Variants in FBXW8 observed in about 807,000 individuals in gnomAD.
FBXW8 encodes the protein F-box and WD repeat domain containing 8, also known as F-box/WD repeat-containing protein 8.
In FBXW8, 57 loss-of-function variants were observed where a neutral mutation model predicts 65.3. That is an observed-to-expected ratio of 0.87 (90% CI 0.71 to 1.09). The LOEUF (loss-of-function observed/expected upper bound fraction) is 1.09. Ranked by LOEUF, FBXW8 falls within the 50% of genes least tolerant of loss-of-function variation. The pLI, the probability that FBXW8 is intolerant of heterozygous loss-of-function variation, is 0.00. For missense variants in FBXW8, 777 were observed against 814.8 expected, an observed-to-expected ratio of 0.95 and a Z score of 0.57; for synonymous variants, 308 against 330.2, an observed-to-expected ratio of 0.93 and a Z score of 0.73.
At chr12:116,983,072 G>GC (rs1260393831) in intron 5 of FBXW8, among the ~76,000 whole-genome samples, 2 of 152,168 alleles carry the variant, frequency 1.3e-5, no homozygotes, top group Non-Finnish European at 2.9e-5. Context: ...GGAAGTGAAT[G>GC]CCCAGTGAGA....
At chr12:117,018,184 G>A (rs137867581) in intron 8 of FBXW8, among the ~76,000 whole-genome samples, 140 of 152,304 alleles carry the variant, frequency 9.2e-4, no homozygotes, top group African/African-American at 3.3e-3. Flanking sequence ...GACTCCTATG[G>A]TGTGATTTTC....
At position 116,936,422 on chromosome 12, in the gene FBXW8, G is replaced by A. The variant is rs1179333467; in HGVS notation, c.423+8295G>A. Reference sequence around the variant, plus strand: ...CTTTCATGATAAAACGCCCTTTGCCGATGTGATTAGGTTAAGGATCTAGAG... The same window carrying A: ...CTTTCATGATAAAACGCCCTTTGCCAATGTGATTAGGTTAAGGATCTAGAG... On this transcript the variant is annotated intron_variant, in intron 2 of 10. Transcript: ENST00000652555. This position sits in a 1 kb window ranked among gnomAD's most constrained non-coding sequence, Gnocchi z 4.6. 6.6e-6 allele frequency among the ~76,000 whole-genome samples: 1 copy of A among 152,168 alleles called. No individual in the cohort carries two copies. Among genetic ancestry groups the A allele is most frequent in the East Asian group, 1.9e-4 (1 of 5,202 alleles).
At chr12:116,941,663 A>T (rs559712747) in intron 2 of FBXW8, among the ~76,000 whole-genome samples, 1 of 152,334 alleles carries the variant, frequency 6.6e-6, no homozygotes, top group South Asian at 2.1e-4. Flanking sequence ...ACCAAGATAA[A>T]CTGAGTTCTT....
intron 6 of FBXW8, 132 bp downstream of exon 6, chr12:116,985,534 C>A (rs1565927403): frequency 2.4e-6 from 2 of 830,586 alleles, no homozygotes; most frequent in Non-Finnish European, 3.7e-6. Context: ...ATAAGTCTAA[C>A]TACAGCCTTA....
At chr12:116,940,186 A>T (rs1032855757) in intron 2 of FBXW8, among the ~76,000 whole-genome samples, 1 of 151,806 alleles carries the variant, frequency 6.6e-6, no homozygotes, top group Non-Finnish European at 1.5e-5. Context: ...GATCCGTGTC[A>T]GCCTGGGGGG....
Position 116,953,772 on chromosome 12 carries a change from C to CA in FBXW8, c.677+4076dup, listed in dbSNP as rs547255703. Among the ~76,000 whole-genome samples, 137 of 130,624 alleles carry CA rather than the reference C, an allele frequency of 1.0e-3. 2 individuals carry two copies. Among genetic ancestry groups the CA allele is most frequent in the South Asian group, 4.9e-3 (20 of 4,092 alleles). The allele number at this position is 130,624 out of a possible 152,430, so 85.7% of individuals were successfully genotyped here. ...TGGGCGACAGAGCAAGACTCCATCT[C>CA]AAAAAAAAAAGACAAAAAAACAAAA... On this transcript the variant is annotated intron_variant, in intron 4 of 10. Transcript: ENST00000652555.
chr12:117,010,186 C>A, intron 7 of FBXW8, 137 bp from the exon 8 acceptor site: 1 of 1,320,978 alleles, frequency 7.6e-7, no homozygotes. Context: ...TGAAAAAGAT[C>A]AGGAAATTAA....
At chr12:116,964,139 G>C (rs1413723701) in intron 4 of FBXW8, among the ~76,000 whole-genome samples, 1 of 152,218 alleles carries the variant, frequency 6.6e-6, no homozygotes, top group African/African-American at 2.4e-5. Context: ...CTTTTCATGA[G>C]CAGGCAGCAC....
At position 116,936,228 on chromosome 12, in the gene FBXW8, C is replaced by T. The variant is rs181478895; in HGVS notation, c.423+8101C>T. Among the ~76,000 whole-genome samples the T allele has an allele frequency of 6.6e-6, 1 of 151,924 alleles. No individual in the cohort carries two copies. Among genetic ancestry groups the T allele is most frequent in the Admixed American group, 6.5e-5 (1 of 15,282 alleles). On this transcript the variant is annotated intron_variant, in intron 2 of 10. Transcript: ENST00000652555. This position sits in a 1 kb window ranked among gnomAD's most constrained non-coding sequence, Gnocchi z 4.6. ...GCAGATCTCTGGCAGAGTGGAATAG[C>T]AAGGACGAAGGACTTGAGGCAGACA...
chr12:117,018,076 C>G (rs545383079), intron 8 of FBXW8, among the ~76,000 whole-genome samples: 1 of 152,292 alleles, frequency 6.6e-6, no homozygotes, highest in South Asian at 2.1e-4. Context: ...GCCTCCCTCT[C>G]GGTTCCAGCA....
intron 2 of FBXW8, among the ~76,000 whole-genome samples, chr12:116,935,425 G>A (rs1882085094): frequency 6.6e-6 from 1 of 152,202 alleles, no homozygotes; most frequent in Non-Finnish European, 1.5e-5. Flanking sequence ...GATTTTCCTG[G>A]CAAAAGTGAT....
intron 5 of FBXW8, among the ~76,000 whole-genome samples, chr12:116,976,597 A>G (rs1884956974): frequency 6.7e-6 from 1 of 150,246 alleles, no homozygotes; most frequent in South Asian, 2.1e-4. Context: ...CTGGGATTAC[A>G]GGCATGCACC....
chr12:116,995,210 C>T (rs1481042197), intron 7 of FBXW8, among the ~76,000 whole-genome samples: 3 of 152,320 alleles, frequency 2.0e-5, no homozygotes, highest in South Asian at 4.1e-4. Context: ...AGATCGGCAG[C>T]GTACGCGGAC....
At chr12:116,929,848 G>A (rs931974837) in intron 2 of FBXW8, among the ~76,000 whole-genome samples, 1 of 152,048 alleles carries the variant, frequency 6.6e-6, no homozygotes, top group Admixed American at 6.6e-5. Context: ...ATCCTGCCCC[G>A]CCAGCCACTG....
At chr12:116,939,687 C>T (rs1336477026) in intron 2 of FBXW8, among the ~76,000 whole-genome samples, 1 of 152,204 alleles carries the variant, frequency 6.6e-6, no homozygotes, top group Non-Finnish European at 1.5e-5. Flanking sequence ...TAAAGCTGCC[C>T]TGTGTTTCCT....
intron 1 of FBXW8, among the ~76,000 whole-genome samples, chr12:116,923,398 C>T (rs1376421314): frequency 1.3e-5 from 2 of 152,072 alleles, no homozygotes; most frequent in African/African-American, 4.8e-5. Flanking sequence ...TGTATGTTAT[C>T]AAACAGATAC....
chr12:116,928,162 T>TTAATCACACATTTAGGA, intron 2 of FBXW8, 35 bp downstream of exon 2: 1 of 1,326,672 alleles, frequency 7.5e-7, no homozygotes, highest in Non-Finnish European at 1.1e-6. Context: ...CAGATTTTCC[T>TTAATCACACATTTAGGA]AAATGTGTGA....
intron 2 of FBXW8, among the ~76,000 whole-genome samples, chr12:116,929,604 A>G (rs1342073859): frequency 1.3e-5 from 2 of 152,146 alleles, no homozygotes; most frequent in Non-Finnish European, 2.9e-5. Flanking sequence ...TATATGTATC[A>G]GGTATAACAT....
intron 2 of FBXW8, among the ~76,000 whole-genome samples, chr12:116,937,149 A>G (rs1882222180): frequency 6.6e-6 from 1 of 152,136 alleles, no homozygotes; most frequent in South Asian, 2.1e-4. Context: ...TGCCTTGAGC[A>G]ACTGGAGGAA....
Sources: allele counts gnomAD v4.1 joint callset (sites outside exome capture counted in the v4.1 genomes callset), GRCh38; gene constraint gnomAD v4.1.1; non-coding constraint Gnocchi (gnomAD v3.1); transcripts MANE v1.5; gene names NCBI Gene and HGNC (gene_info 2026-07-23, HGNC 2026-07-21).